Variants in R3HDM4 observed in about 807,000 individuals in gnomAD.
R3HDM4 encodes the protein R3H domain-containing protein 4.
In R3HDM4, 30 loss-of-function variants were observed where a neutral mutation model predicts 31.3. The observed-to-expected ratio is 0.96, with a 90% CI of 0.72 to 1.30. The LOEUF (loss-of-function observed/expected upper bound fraction) is 1.30. R3HDM4 is among the 50% of genes most tolerant of loss of function. R3HDM4 has a pLI of 0.00. For missense variants in R3HDM4, 444 were observed against 366.1 expected (o/e 1.21, Z -1.74); for synonymous variants, 196 against 156.6 (o/e 1.25, Z -1.88).
chr19:897,830 A>G (rs2036760788), intron 7 of R3HDM4, among the ~76,000 whole-genome samples: 1 of 152,234 alleles, frequency 6.6e-6, no homozygotes, highest in Non-Finnish European at 1.5e-5. Context: ...CTGAGGCCGC[A>G]TGGCCACTCA....
At chr19:912,980 C>G (rs1206114257) in intron 1 of R3HDM4, 107 bp downstream of exon 1, 3 of 279,242 alleles carry the variant, frequency 1.1e-5, no homozygotes, top group African/African-American at 3.1e-5. Flanking sequence ...ACGAAGGGAA[C>G]GAGGGGAGGG....
intron 1 of R3HDM4, among the ~76,000 whole-genome samples, chr19:903,632 G>A (rs1184909845): frequency 1.3e-5 from 2 of 152,264 alleles, no homozygotes; most frequent in Non-Finnish European, 2.9e-5. Flanking sequence ...GGGAGCTCAT[G>A]TAATCCCAGC....
At chr19:908,894 C>T (rs372828310) in intron 1 of R3HDM4, among the ~76,000 whole-genome samples, 10 of 152,196 alleles carry the variant, frequency 6.6e-5, no homozygotes, top group Non-Finnish European at 1.3e-4. Flanking sequence ...GTCCGCCCCC[C>T]GCCCACCGCC....
chr19:911,025 G>T (rs1444075771), intron 1 of R3HDM4, among the ~76,000 whole-genome samples: 1 of 152,128 alleles, frequency 6.6e-6, no homozygotes, highest in Non-Finnish European at 1.5e-5. Context: ...GGAGGCTGAG[G>T]CAGGAGAATG....
At chr19:898,383 T>C (rs1239790985) in intron 7 of R3HDM4, among the ~76,000 whole-genome samples, 6 of 113,788 alleles carry the variant, frequency 5.3e-5, no homozygotes, top group Admixed American at 3.1e-4. Context: ...CCAGCATGGG[T>C]GACAGAGCGA....
chr19:898,408 A>G (rs1271708354), intron 7 of R3HDM4, among the ~76,000 whole-genome samples: 2 of 139,242 alleles, frequency 1.4e-5, no homozygotes, highest in Non-Finnish European at 3.2e-5. Context: ...TGGTCTCAAA[A>G]AAAAAAAAAA....
At chr19:906,967 C>G (rs2036913078) in intron 1 of R3HDM4, among the ~76,000 whole-genome samples, 1 of 151,910 alleles carries the variant, frequency 6.6e-6, no homozygotes. Context: ...AGGCGCCCAC[C>G]ACCACGCCTG....
chr19:901,897 G>C, intron 2 of R3HDM4, 79 bp downstream of exon 2: 1 of 1,544,282 alleles, frequency 6.5e-7, no homozygotes, highest in Non-Finnish European at 8.8e-7. Flanking sequence ...TCATGGGAGG[G>C]GTAACAGATA....
At chr19:903,297 G>GC (rs1348114904) in intron 1 of R3HDM4, among the ~76,000 whole-genome samples, 3 of 151,864 alleles carry the variant, frequency 2.0e-5, no homozygotes, top group South Asian at 2.1e-4. Flanking sequence ...GGCTGCAGCG[G>GC]CCCCCCTCCA....
At position 913,051 on chromosome 19, in the gene R3HDM4, C is replaced by CG. The variant is rs993089905; in HGVS notation, c.71+35_71+36insC. The CG allele has an allele frequency of 3.1e-5, 27 of 881,480 alleles. No homozygotes were observed. Among genetic ancestry groups the CG allele is most frequent in the Middle Eastern group, 5.3e-4 (1 of 1,890 alleles). The allele number at this position is 881,480 out of a possible 1,614,324, so 54.6% of individuals were successfully genotyped here. A position where few individuals can be genotyped will look rare whatever the true frequency, so the allele number is the denominator to read the frequency against. Reference sequence around the variant, plus strand: ...CTCAGGGGAGGGAGCCCAGCCCGCCCCCGGCGCCCGCCGCGCCCCGCCCGC... The same window carrying CG: ...CTCAGGGGAGGGAGCCCAGCCCGCCCGCCGGCGCCCGCCGCGCCCCGCCCGC... On this transcript the variant is annotated intron_variant, in intron 1 of 7. Coordinates refer to ENST00000361574, the MANE Select transcript of R3HDM4 (RefSeq NM_138774.4). This position sits in a 1 kb window ranked among gnomAD's most constrained non-coding sequence, Gnocchi z 5.0.
Position 899,927 on chromosome 19 carries a change from C to T in R3HDM4, c.561+134G>A. ...TGCCCCCGCCCTCCTACTCAGGGCC[C>T]TGGTGCCGCTGTCTGTATCCTGCCC... is the stretch of plus-strand genomic sequence containing the variant. On this transcript the variant is annotated intron_variant, in intron 5 of 7. Coordinates refer to ENST00000361574, the MANE Select transcript of R3HDM4 (RefSeq NM_138774.4). The surrounding 1 kb of genome is among the most constrained non-coding windows in gnomAD (Gnocchi z 6.8). 1.0e-6 allele frequency: 1 copy of T among 973,966 alleles called. No homozygotes were observed. Among genetic ancestry groups the T allele is most frequent in the Admixed American group, 2.2e-5 (1 of 44,666 alleles). 60.3% of individuals were successfully genotyped at this position (973,966 alleles called of 1,614,324 possible).
rs191615417 is a variant in R3HDM4 at position 902,733 on chromosome 19, T to C, written c.72-603A>G. 1,419 of 152,302 alleles carry C rather than the reference T, an allele frequency of 9.3e-3. 12 individuals are homozygous for C. Among genetic ancestry groups the C allele is most frequent in the Non-Finnish European group, 0.015 (1,001 of 68,122 alleles). The allele number at this position is 152,302 out of a possible 1,614,324, so 9.4% of individuals were successfully genotyped here. A position where few individuals can be genotyped will look rare whatever the true frequency, so the allele number is the denominator to read the frequency against. ...TGGGTGGATCACTTGAGGTCAGGGGTTGAAGACCAGCCTGGCCAACAGGGT... is the reference window on the plus strand; with the variant it reads ...TGGGTGGATCACTTGAGGTCAGGGGCTGAAGACCAGCCTGGCCAACAGGGT... On this transcript the variant is annotated intron_variant, in intron 1 of 7. Transcript: ENST00000361574.
Position 902,090 on chromosome 19 carries a change from C to A in R3HDM4, c.112G>T (p.Val38Leu). ...SCLPALASSQ[V>L]KRLSASRRKQ... ...CGCCTGGAAGCCGAGAGTCTCTTCA[C>A]CTGGGAGCTGGCTAGGGCAGGCAGG... Residue 38 changes from valine to leucine, a missense_variant, in exon 2 of 8, where the codon GTG (valine) becomes TTG (leucine). Physicochemically the swap from Val to Leu is conservative, Grantham distance 32. Coordinates refer to ENST00000361574, the MANE Select transcript of R3HDM4 (RefSeq NM_138774.4). The A allele has an allele frequency of 6.2e-7, 1 of 1,613,758 alleles. No individual in the cohort carries two copies. Among genetic ancestry groups the A allele is most frequent in the Non-Finnish European group, 8.5e-7 (1 of 1,179,990 alleles).
intron 1 of R3HDM4, among the ~76,000 whole-genome samples, chr19:906,098 C>G (rs1234011153): frequency 6.6e-6 from 1 of 152,168 alleles, no homozygotes; most frequent in Non-Finnish European, 1.5e-5. Flanking sequence ...GATCTCCGCT[C>G]ACTGCAACCT....
At chr19:898,838 G>A (rs1032075945) in intron 7 of R3HDM4, among the ~76,000 whole-genome samples, 15 of 152,126 alleles carry the variant, frequency 9.9e-5, no homozygotes. Flanking sequence ...TCCCACAGAG[G>A]GAACAGAGGG....
At chr19:904,474 C>T (rs117932680) in intron 1 of R3HDM4, among the ~76,000 whole-genome samples, 5,576 of 152,276 alleles carry the variant, frequency 0.037, 126 homozygotes, top group Non-Finnish European at 0.055. Flanking sequence ...AAGCAACCCA[C>T]TCCACCCCTG....
intron 7 of R3HDM4, 142 bp from the exon 8 acceptor site, chr19:897,682 G>GT: frequency 1.5e-6 from 1 of 650,796 alleles, no homozygotes; most frequent in Non-Finnish European, 2.7e-6. Context: ...GGCCTGGCTG[G>GT]CCCTAAGCCC....
In R3HDM4 at chr19:902,038, A is replaced by G. The variant is rs1251151983; in HGVS notation, c.164T>C (p.Val55Ala). The G allele has an allele frequency of 2.5e-6, 4 of 1,613,856 alleles. No homozygotes were observed. In the South Asian group the frequency reaches 4.4e-5, roughly 18 times the overall value. ...RRKQHFINQA[V>A]RNSDLVPKAK... ...CTTGGGCACGAGGTCTGAGTTCCGC[A>G]CTGCCTGGTTGATGAAGTGCTGTTT... Residue 55 changes from valine (V) to alanine (A), a missense_variant, in exon 2 of 8, where the codon GTG (valine) becomes GCG (alanine). Coordinates refer to ENST00000361574, the MANE Select transcript of R3HDM4 (RefSeq NM_138774.4).
chr19:900,532 A>C (rs1599357242), intron 4 of R3HDM4, among the ~76,000 whole-genome samples: 2 of 114,438 alleles, frequency 1.7e-5, no homozygotes, highest in Admixed American at 1.8e-4. Flanking sequence ...CTGGCCCCAC[A>C]CACCCCATTG....
Sources: allele counts gnomAD v4.1 joint callset (sites outside exome capture counted in the v4.1 genomes callset), GRCh38; gene constraint gnomAD v4.1.1; non-coding constraint Gnocchi (gnomAD v3.1); transcripts MANE v1.5; gene names NCBI Gene and HGNC (gene_info 2026-07-23, HGNC 2026-07-21).